The following ABTB3 variants were observed in gnomAD, a reference collection of about 807,000 sequenced individuals.
ABTB3 encodes ankyrin repeat- and BTB/POZ domain-containing protein 3.
the ABTB3 span, among the ~76,000 whole-genome samples, chr12:107,597,339 A>T: frequency 2.6e-5 from 4 of 152,200 alleles, no homozygotes; most frequent in African/African-American, 9.7e-5. Context: ...GGTATTTATA[A>T]AGAAAAGAGC....
the ABTB3 span, among the ~76,000 whole-genome samples, chr12:107,442,446 C>T: frequency 6.6e-6 from 1 of 152,238 alleles, no homozygotes; most frequent in Admixed American, 6.5e-5. Flanking sequence ...TAATTGTGTA[C>T]CACAAAATGT....
chr12:107,586,598 T>C, the ABTB3 span, among the ~76,000 whole-genome samples: 1 of 152,164 alleles, frequency 6.6e-6, no homozygotes, highest in African/African-American at 2.4e-5. Flanking sequence ...CTGATGTCAA[T>C]GCATTAGCGC....
At chr12:107,480,759 G>C in the ABTB3 span, among the ~76,000 whole-genome samples, 1 of 152,122 alleles carries the variant, frequency 6.6e-6, no homozygotes, top group East Asian at 1.9e-4. Flanking sequence ...TTGGTCATGG[G>C]AGATGGCCCA....
chr12:107,362,470 G>A, the ABTB3 span, among the ~76,000 whole-genome samples: 1 of 152,200 alleles, frequency 6.6e-6, no homozygotes, highest in Non-Finnish European at 1.5e-5. Context: ...AACATCAGTA[G>A]AGGGGAATAC....
the ABTB3 span, among the ~76,000 whole-genome samples, chr12:107,533,728 A>T: frequency 1.3e-5 from 2 of 152,226 alleles, no homozygotes; most frequent in Admixed American, 6.5e-5. Flanking sequence ...CCAGACAGAA[A>T]AATCAACAAA....
chr12:107,410,473 T>G, the ABTB3 span, among the ~76,000 whole-genome samples: 2 of 152,104 alleles, frequency 1.3e-5, no homozygotes, highest in African/African-American at 4.8e-5. Context: ...GGACCTACCA[T>G]GGTTTGCACT....
the ABTB3 span, among the ~76,000 whole-genome samples, chr12:107,472,617 A>T: frequency 2.0e-5 from 3 of 152,318 alleles, no homozygotes; most frequent in East Asian, 5.8e-4. Flanking sequence ...CTACCTGAGA[A>T]AGGCTTAGAA....
chr12:107,382,868 C>A, the ABTB3 span, among the ~76,000 whole-genome samples: 4 of 152,018 alleles, frequency 2.6e-5, no homozygotes, highest in East Asian at 7.7e-4. Flanking sequence ...ATGTAACAAA[C>A]CTGCATGTTC....
chr12:107,641,989 G>A, the ABTB3 span: 1 of 1,080,680 alleles, frequency 9.3e-7, no homozygotes. Flanking sequence ...GATTTGCAGG[G>A]GAAGAAACAA....
chr12:107,426,940 C>CT, the ABTB3 span, among the ~76,000 whole-genome samples: 4 of 152,194 alleles, frequency 2.6e-5, no homozygotes, highest in Admixed American at 6.5e-5. Flanking sequence ...TATTCTCCTG[C>CT]TTTTTTCAAT....
chr12:107,568,813 G>A, the ABTB3 span, among the ~76,000 whole-genome samples: 3 of 151,032 alleles, frequency 2.0e-5, no homozygotes, highest in African/African-American at 7.3e-5. Context: ...AACGCCACCC[G>A]TGAAGACACC....
At chr12:107,540,906 T>C in the ABTB3 span, among the ~76,000 whole-genome samples, 15 of 152,080 alleles carry the variant, frequency 9.9e-5, no homozygotes, top group Non-Finnish European at 1.3e-4. Context: ...GAGGCTTAAG[T>C]GGGAGGATCG....
the ABTB3 span, among the ~76,000 whole-genome samples, chr12:107,418,797 A>G: frequency 6.6e-6 from 1 of 152,232 alleles, no homozygotes; most frequent in Non-Finnish European, 1.5e-5. Context: ...GGGTTGATTT[A>G]GAGCAGTTTT....
chr12:107,340,123 G>A, the ABTB3 span, among the ~76,000 whole-genome samples: 3 of 151,784 alleles, frequency 2.0e-5, no homozygotes, highest in African/African-American at 7.3e-5. Flanking sequence ...TAATTATGCT[G>A]ACTTCACATT....
chr12:107,462,998 T>C, the ABTB3 span, among the ~76,000 whole-genome samples: 2 of 151,078 alleles, frequency 1.3e-5, no homozygotes, highest in East Asian at 3.9e-4. Flanking sequence ...ATAATGATGA[T>C]AGAGTGATAG....
the ABTB3 span, among the ~76,000 whole-genome samples, chr12:107,352,574 ACAT>A: frequency 1.3e-5 from 2 of 152,094 alleles, no homozygotes; most frequent in Non-Finnish European, 2.9e-5. Flanking sequence ...GGGCCCTTCC[ACAT>A]ACCAAGCCAT....
the ABTB3 span, among the ~76,000 whole-genome samples, chr12:107,475,014 T>C: frequency 1.3e-5 from 2 of 152,204 alleles, no homozygotes; most frequent in African/African-American, 4.8e-5. Context: ...TCCTGGTTTC[T>C]TTGGCTCTCC....
chr12:107,520,994 GAGA>G, the ABTB3 span, among the ~76,000 whole-genome samples: 1 of 152,182 alleles, frequency 6.6e-6, no homozygotes, highest in African/African-American at 2.4e-5. Context: ...ATAACAAACA[GAGA>G]AGGAGATTCT....
chr12:107,477,349 G>A, the ABTB3 span, among the ~76,000 whole-genome samples: 3 of 152,184 alleles, frequency 2.0e-5, no homozygotes, highest in Admixed American at 6.5e-5. Flanking sequence ...GTGTGAAAAT[G>A]ACAAAGAAAG....
Sources: allele counts gnomAD v4.1 joint callset (sites outside exome capture counted in the v4.1 genomes callset), GRCh38; gene constraint gnomAD v4.1.1; transcripts MANE v1.5; gene names NCBI Gene and HGNC (gene_info 2026-07-23, HGNC 2026-07-21).